The following CCDC171 variants were observed in gnomAD, a reference collection of about 807,000 sequenced individuals.
CCDC171 encodes the protein coiled-coil domain-containing protein 171.
In CCDC171, 177 loss-of-function variants were observed where a neutral mutation model predicts 168.2. That is an observed-to-expected ratio of 1.05 (90% CI 0.93 to 1.19). The LOEUF is 1.19. Ranked by LOEUF, CCDC171 falls within the 50% of genes most tolerant of loss-of-function variation. CCDC171 has a pLI of 0.00. For missense variants in CCDC171, 1,991 were observed against 1,539.0 expected (o/e 1.29, Z -4.91); for synonymous variants, 687 against 540.8 (o/e 1.27, Z -3.75).
chr9:15,786,969 C>CCG, intron 21 of CCDC171, among the ~76,000 whole-genome samples: 1 of 152,122 alleles, frequency 6.6e-6, no homozygotes, highest in East Asian at 1.9e-4. Context: ...TTTTTGGACT[C>CCG]AGACCACTTG....
chr9:15,978,944 A>G (rs1589292047), downstream of CCDC171, among the ~76,000 whole-genome samples: 1 of 152,088 alleles, frequency 6.6e-6, no homozygotes, highest in South Asian at 2.1e-4. Context: ...TTCTATCTCT[A>G]TGGATTTGCC....
chr9:15,751,010 G>A (rs541539928), intron 18 of CCDC171, among the ~76,000 whole-genome samples: 11 of 152,276 alleles, frequency 7.2e-5, no homozygotes, highest in Non-Finnish European at 1.3e-4. Flanking sequence ...TGAGATGATT[G>A]TATATTTAGA....
intron 3 of CCDC171, among the ~76,000 whole-genome samples, chr9:16,014,636 C>T (rs1249023191): frequency 1.3e-5 from 2 of 152,082 alleles, no homozygotes; most frequent in Non-Finnish European, 2.9e-5. Flanking sequence ...ACTCCTAATC[C>T]ATGGGCTGCA....
intron 7 of CCDC171, among the ~76,000 whole-genome samples, chr9:15,634,639 A>G (rs1403252819): frequency 1.3e-5 from 2 of 152,208 alleles, no homozygotes; most frequent in African/African-American, 2.4e-5. Context: ...AGTAAAAAAA[A>G]CACTTTATAG....
chr9:15,780,826 C>G (rs2057628597), intron 20 of CCDC171, among the ~76,000 whole-genome samples: 1 of 151,674 alleles, frequency 6.6e-6, no homozygotes, highest in South Asian at 2.1e-4. Context: ...ATGAATGTAT[C>G]AAAATTTGAG....
chr9:16,000,906 G>A (rs753757261), intron 3 of CCDC171, among the ~76,000 whole-genome samples: 2 of 152,146 alleles, frequency 1.3e-5, no homozygotes, highest in Non-Finnish European at 2.9e-5. Context: ...TACAGCCTTT[G>A]ATGGGGGAGG....
chr9:15,890,393 A>G (rs756715196), intron 24 of CCDC171, among the ~76,000 whole-genome samples: 22 of 152,156 alleles, frequency 1.4e-4, no homozygotes, highest in Non-Finnish European at 2.5e-4. Flanking sequence ...TCCTTTTCCT[A>G]TAAAATGCTA....
chr9:15,740,860 G>A (rs2054830347), intron 16 of CCDC171, among the ~76,000 whole-genome samples: 1 of 152,090 alleles, frequency 6.6e-6, no homozygotes. Context: ...TTTGTTTTTT[G>A]GTGGAATTGT....
At chr9:15,744,231 G>C (rs772804387) in intron 16 of CCDC171, 42 bp from the exon 17 acceptor site, 35 of 1,479,410 alleles carry the variant, frequency 2.4e-5, no homozygotes, top group Non-Finnish European at 3.0e-5. Context: ...TATAATGCCT[G>C]TTTGTTTCAT....
chr9:15,628,146 C>T (rs2045328575), intron 7 of CCDC171, among the ~76,000 whole-genome samples: 1 of 152,134 alleles, frequency 6.6e-6, no homozygotes, highest in Non-Finnish European at 1.5e-5. Context: ...GTACTGGGTT[C>T]ATCTCACTAG....
At chr9:15,622,191 G>T (rs1374935730) in intron 6 of CCDC171, among the ~76,000 whole-genome samples, 2 of 152,082 alleles carry the variant, frequency 1.3e-5, no homozygotes, top group Non-Finnish European at 2.9e-5. Context: ...TCTAGGCTTA[G>T]TACCTGGGTG....
chr9:15,700,997 G>A (rs1292073408), intron 11 of CCDC171, among the ~76,000 whole-genome samples: 1 of 151,828 alleles, frequency 6.6e-6, no homozygotes, highest in Non-Finnish European at 1.5e-5. Context: ...TATGATTTGA[G>A]CATTTTAAAA....
chr9:15,628,248 A>G (rs2045339515), intron 7 of CCDC171, among the ~76,000 whole-genome samples: 1 of 152,106 alleles, frequency 6.6e-6, no homozygotes, highest in South Asian at 2.1e-4. Context: ...GGGAAGCGCA[A>G]GGGGTCACGG....
chr9:15,823,252 C>G (rs1486236932), intron 21 of CCDC171, among the ~76,000 whole-genome samples: 1 of 151,806 alleles, frequency 6.6e-6, no homozygotes, highest in Non-Finnish European at 1.5e-5. Flanking sequence ...TGCAGCACAC[C>G]AACATGGCAC....
intron 10 of CCDC171, among the ~76,000 whole-genome samples, chr9:15,681,000 A>C (rs2050005318): frequency 6.6e-6 from 1 of 152,188 alleles, no homozygotes; most frequent in African/African-American, 2.4e-5. Context: ...TTAACTCACC[A>C]CAGAGCATAT....
At chr9:15,872,001 CT>C (rs551699045) in intron 23 of CCDC171, among the ~76,000 whole-genome samples, 331 of 152,068 alleles carry the variant, frequency 2.2e-3, no homozygotes, top group African/African-American at 7.7e-3. Context: ...GATACTTACT[CT>C]CAAAGTTCTC....
At position 15,777,690 on chromosome 9, in the gene CCDC171, A is replaced by C. The variant is rs1430094052; in HGVS notation, c.2762A>C (p.Glu921Ala). 1 of 1,613,942 alleles carries C rather than the reference A, an allele frequency of 6.2e-7. No individual in the cohort carries two copies. Among genetic ancestry groups the C allele is most frequent in the Admixed American group, 1.7e-5 (1 of 60,006 alleles). The change falls in exon 19 of 26, where the codon GAA (glutamate) becomes GCA (alanine). Residue 921 changes from glutamate (E) to alanine (A), a missense_variant. Physicochemically the swap from Glu to Ala is moderately radical, Grantham distance 107. Transcript: ENST00000380701. Reference protein sequence around the residue: ...KLMDKISLVMECIPLHSSRSI... With the variant: ...KLMDKISLVMACIPLHSSRSI... ...ATGGATAAAATTAGTCTGGTAATGG[A>C]ATGTATACCTCTGCACAGTAGCAGG...
the CCDC171 span, among the ~76,000 whole-genome samples, chr9:16,103,966 G>T: frequency 6.6e-6 from 1 of 152,228 alleles, no homozygotes; most frequent in Non-Finnish European, 1.5e-5. Context: ...GGTGGAAAAA[G>T]TCTGAGACTT....
chr9:15,728,143 G>T, intron 15 of CCDC171, 107 bp downstream of exon 15: 1 of 862,688 alleles, frequency 1.2e-6, no homozygotes, highest in Non-Finnish European at 1.7e-6. Flanking sequence ...AAAAGAATTT[G>T]GATGTTAATA....
Sources: allele counts gnomAD v4.1 joint callset (sites outside exome capture counted in the v4.1 genomes callset), GRCh38; gene constraint gnomAD v4.1.1; transcripts MANE v1.5; gene names NCBI Gene and HGNC (gene_info 2026-07-23, HGNC 2026-07-21).